The following CSNK1G3 variants were observed in gnomAD, a reference collection of about 807,000 sequenced individuals.
The protein encoded by CSNK1G3 is casein kinase I isoform gamma-3.
A neutral mutation model predicts 64.3 loss-of-function variants in CSNK1G3; 23 were observed. The ratio of observed to expected loss-of-function variants is 0.36; its 90% confidence interval spans 0.26 to 0.51. CSNK1G3 has a LOEUF of 0.51. Among genes scored for constraint, CSNK1G3 ranks in the 20% least tolerant of loss-of-function variants. The probability of loss-of-function intolerance (pLI) is 0.96; values close to 1 mark genes in which losing one functional copy is unlikely to be tolerated. For synonymous variants in CSNK1G3, 158 were observed against 162.2 expected (o/e 0.97, Z 0.20); for missense variants, 357 against 510.5 (o/e 0.70, Z 2.90).
chr5:123,588,653 G>T, intron 8 of CSNK1G3, 142 bp downstream of exon 8: 1 of 634,908 alleles, frequency 1.6e-6, no homozygotes, highest in South Asian at 2.0e-5. Flanking sequence ...AGCATTTGAT[G>T]CCGAACCCAC....
intron 10 of CSNK1G3, among the ~76,000 whole-genome samples, chr5:123,600,624 C>CAAAA (rs561994777): frequency 1.2e-5 from 1 of 84,248 alleles, no homozygotes; most frequent in African/African-American, 4.5e-5. Context: ...GATGCCATTT[C>CAAAA]AAAAAAAAAA....
At chr5:123,560,945 A>G (rs1470900544) in intron 4 of CSNK1G3, among the ~76,000 whole-genome samples, 1 of 152,196 alleles carries the variant, frequency 6.6e-6, no homozygotes, top group Non-Finnish European at 1.5e-5. Context: ...ACTGAACTGT[A>G]CACTTAAAGA....
rs1229425317 is a variant in CSNK1G3 at position 123,520,063 on chromosome 5, C to G, written c.-248+7493C>G. Among the ~76,000 whole-genome samples the G allele has an allele frequency of 4.6e-5, 7 of 152,254 alleles. No individual in the cohort carries two copies. In the South Asian group the frequency reaches 8.3e-4, roughly 18 times the overall value. ...ACAAAATTTTTCAGCTTGCCTCAAG[C>G]AGTCAACAACAATGACAACATCACA... On this transcript the variant is annotated intron_variant, in intron 1 of 12. Transcript: ENST00000345990.
chr5:123,533,470 TTG>T (rs1318075356), intron 1 of CSNK1G3, among the ~76,000 whole-genome samples: 1 of 151,904 alleles, frequency 6.6e-6, no homozygotes, highest in African/African-American at 2.4e-5. Flanking sequence ...GAGGTCCCTT[TTG>T]GCCCCAGCTT....
chr5:123,603,399 G>T (rs1454035926), intron 10 of CSNK1G3, among the ~76,000 whole-genome samples: 1 of 151,974 alleles, frequency 6.6e-6, no homozygotes, highest in Non-Finnish European at 1.5e-5. Context: ...TTTCATTCAT[G>T]CATACATGCA....
intron 12 of CSNK1G3, among the ~76,000 whole-genome samples, chr5:123,611,924 G>A (rs1288363516): frequency 6.6e-6 from 1 of 152,100 alleles, no homozygotes; most frequent in Non-Finnish European, 1.5e-5. Context: ...TTGGAGTAAA[G>A]GATTTTATCT....
chr5:123,608,660 C>T (rs1327321740), intron 12 of CSNK1G3, among the ~76,000 whole-genome samples: 1 of 152,058 alleles, frequency 6.6e-6, no homozygotes, highest in Non-Finnish European at 1.5e-5. Flanking sequence ...GGAAAGTATA[C>T]TAACAACTTT....
chr5:123,593,801 C>G (rs977673079), intron 10 of CSNK1G3, among the ~76,000 whole-genome samples: 1 of 152,068 alleles, frequency 6.6e-6, no homozygotes, highest in Admixed American at 6.6e-5. Flanking sequence ...AAGCTTAGTG[C>G]CAGAACATGT....
chr5:123,539,694 A>G (rs962547268), intron 1 of CSNK1G3, among the ~76,000 whole-genome samples: 1 of 152,178 alleles, frequency 6.6e-6, no homozygotes, highest in African/African-American at 2.4e-5. Context: ...CTGATCTCAC[A>G]AAGTAAATTG....
At chr5:123,551,147 G>A (rs1428747481) in intron 2 of CSNK1G3, among the ~76,000 whole-genome samples, 1 of 152,158 alleles carries the variant, frequency 6.6e-6, no homozygotes, top group Non-Finnish European at 1.5e-5. Context: ...ATGAAAAGAT[G>A]ATAATATGTT....
intron 3 of CSNK1G3, among the ~76,000 whole-genome samples, chr5:123,556,866 A>G (rs1433671197): frequency 2.6e-5 from 4 of 152,012 alleles, no homozygotes; most frequent in African/African-American, 7.2e-5. Context: ...CATATACTGT[A>G]TAATATCATT....
At chr5:123,527,185 G>A (rs1779241472) in intron 1 of CSNK1G3, among the ~76,000 whole-genome samples, 1 of 152,104 alleles carries the variant, frequency 6.6e-6, no homozygotes, top group African/African-American at 2.4e-5. Flanking sequence ...TGATTTACGG[G>A]AGCCTCATTT....
At chr5:123,584,623 G>T (rs2150894612) in intron 6 of CSNK1G3, among the ~76,000 whole-genome samples, 1 of 152,248 alleles carries the variant, frequency 6.6e-6, no homozygotes, top group Middle Eastern at 3.4e-3. Context: ...GGGTAATGCA[G>T]TGAGTTGGGA....
Position 123,574,646 on chromosome 5 carries a change from C to T in CSNK1G3, c.439-1083C>T, listed in dbSNP as rs116659983. Among the ~76,000 whole-genome samples, 307 of 151,774 alleles carry T rather than the reference C, an allele frequency of 2.0e-3. 1 individual carries two copies. Among genetic ancestry groups the T allele is most frequent in the African/African-American group, 6.9e-3 (287 of 41,404 alleles). On this transcript the variant is annotated intron_variant, in intron 5 of 12. Transcript: ENST00000345990. ...GATCAATCTGGGCAACATAGTGTGACTCTGTCTCTACAAAAATAAAAATAA... is the reference window on the plus strand; with the variant it reads ...GATCAATCTGGGCAACATAGTGTGATTCTGTCTCTACAAAAATAAAAATAA...
intron 1 of CSNK1G3, among the ~76,000 whole-genome samples, chr5:123,526,840 T>TTGTGTGTGTG (rs34275675): frequency 4.1e-4 from 52 of 126,754 alleles, no homozygotes; most frequent in South Asian, 7.9e-4. Context: ...CATGTACAGA[T>TTGTGTGTGTG]TGTGTGTGTG....
At chr5:123,613,194 T>C (rs181195261) in intron 12 of CSNK1G3, among the ~76,000 whole-genome samples, 2 of 152,178 alleles carry the variant, frequency 1.3e-5, no homozygotes, top group Non-Finnish European at 2.9e-5. Context: ...TTTTCTTTTT[T>C]TTTTTTGGTG....
At chr5:123,574,174 A>G (rs1259364912) in intron 5 of CSNK1G3, among the ~76,000 whole-genome samples, 2 of 152,110 alleles carry the variant, frequency 1.3e-5, no homozygotes, top group Non-Finnish European at 2.9e-5. Context: ...TAATTTTGGT[A>G]ATAGACTTTA....
chr5:123,587,149 A>G (rs1470565267), intron 6 of CSNK1G3, among the ~76,000 whole-genome samples: 1 of 152,228 alleles, frequency 6.6e-6, no homozygotes, highest in Non-Finnish European at 1.5e-5. Flanking sequence ...ACACAGTAAA[A>G]ATCAAAACCT....
intron 6 of CSNK1G3, among the ~76,000 whole-genome samples, chr5:123,578,594 G>C (rs993696701): frequency 2.0e-5 from 3 of 151,812 alleles, no homozygotes; most frequent in Admixed American, 6.6e-5. Flanking sequence ...TTGATGAGCA[G>C]AACTGTTAAA....
Sources: allele counts gnomAD v4.1 joint callset (sites outside exome capture counted in the v4.1 genomes callset), GRCh38; gene constraint gnomAD v4.1.1; transcripts MANE v1.5; gene names NCBI Gene and HGNC (gene_info 2026-07-23, HGNC 2026-07-21).